The following RMST variants were observed in gnomAD, a reference collection of about 807,000 sequenced individuals.
The protein encoded by RMST is rhabdomyosarcoma 2 associated transcript.
intron 5 of RMST, among the ~76,000 whole-genome samples, chr12:97,489,805 G>A (rs771882204): frequency 7.9e-5 from 12 of 152,118 alleles, no homozygotes; most frequent in Non-Finnish European, 1.8e-4. Flanking sequence ...TATGTGTCAT[G>A]CACTGGGGTA....
intron 9 of RMST, chr12:97,494,938 T>C (rs1877227555): frequency 6.6e-6 from 1 of 152,164 alleles, no homozygotes; most frequent in African/African-American, 2.4e-5. Context: ...CTTATGACTA[T>C]CCTAGCCCCA....
intron 5 of RMST, among the ~76,000 whole-genome samples, chr12:97,474,687 A>G (rs1247635028): frequency 6.6e-6 from 1 of 151,174 alleles, no homozygotes; most frequent in Non-Finnish European, 1.5e-5. Context: ...GAAATATAGT[A>G]TATGGTTAAA....
At chr12:97,543,448 A>ATACTT (rs1882707202) in intron 11 of RMST, among the ~76,000 whole-genome samples, 1 of 151,998 alleles carries the variant, frequency 6.6e-6, no homozygotes, top group Admixed American at 6.6e-5. Context: ...GCCCTGTTTA[A>ATACTT]TACTTTAGTG....
At chr12:97,544,496 CG>C (rs1304392073) in intron 11 of RMST, among the ~76,000 whole-genome samples, 2 of 151,842 alleles carry the variant, frequency 1.3e-5, no homozygotes, top group Non-Finnish European at 2.9e-5. Flanking sequence ...GTGGACAGTA[CG>C]TTCAATGTAA....
At chr12:97,553,719 C>T (rs867710944) in intron 11 of RMST, among the ~76,000 whole-genome samples, 47 of 152,194 alleles carry the variant, frequency 3.1e-4, no homozygotes, top group African/African-American at 1.1e-3. Context: ...AATGTAGACT[C>T]AAATCAAATA....
chr12:97,468,027 A>G (rs1873402474), intron 5 of RMST, among the ~76,000 whole-genome samples: 1 of 152,086 alleles, frequency 6.6e-6, no homozygotes. Flanking sequence ...TTTATTATAA[A>G]GAATGCACTG....
intron 11 of RMST, among the ~76,000 whole-genome samples, chr12:97,531,339 CT>C (rs1881604990): frequency 6.6e-6 from 1 of 152,072 alleles, no homozygotes; most frequent in Non-Finnish European, 1.5e-5. Flanking sequence ...AAGGTCTTGA[CT>C]TAAGTCGCAC....
At chr12:97,472,862 TTCAA>T (rs1267387726) in intron 5 of RMST, among the ~76,000 whole-genome samples, 4 of 152,142 alleles carry the variant, frequency 2.6e-5, no homozygotes, top group African/African-American at 7.2e-5. Flanking sequence ...CGGAAAGATT[TTCAA>T]TCATTCATTC....
At chr12:97,519,999 T>C (rs1446739694) in intron 10 of RMST, among the ~76,000 whole-genome samples, 1 of 152,206 alleles carries the variant, frequency 6.6e-6, no homozygotes, top group African/African-American at 2.4e-5. Context: ...AAATACTGTT[T>C]TAAGGAACAG....
chr12:97,549,573 G>A (rs1883174688), intron 11 of RMST, among the ~76,000 whole-genome samples: 1 of 152,220 alleles, frequency 6.6e-6, no homozygotes, highest in Admixed American at 6.5e-5. Flanking sequence ...TAGACCCAAT[G>A]TGGTAAGTTT....
chr12:97,489,060 T>A (rs886617358), intron 5 of RMST, among the ~76,000 whole-genome samples: 2 of 152,226 alleles, frequency 1.3e-5, no homozygotes, highest in African/African-American at 4.8e-5. Flanking sequence ...TCAATTTGAC[T>A]TAAGTAACTC....
rs576891147 is a variant in RMST, at chr12:97,516,582, A to G, written n.1341-14073A>G. ...ATTTCTTACAATTAGGAGTGAAGGTAGATTACAACAAATTGCTGAAAAATT... is the reference window on the plus strand; with the variant it reads ...ATTTCTTACAATTAGGAGTGAAGGTGGATTACAACAAATTGCTGAAAAATT... On this transcript the variant is annotated intron_variant and non_coding_transcript_variant, in intron 10 of 13. Transcript: ENST00000640149. Among the ~76,000 whole-genome samples, 32 of 152,144 alleles carry G rather than the reference A, an allele frequency of 2.1e-4. No homozygotes were observed. The East Asian group carries it at 6.2e-3, about 29-fold the overall frequency.
intron 13 of RMST, chr12:97,563,574 T>C (rs1884299010): frequency 1.2e-5 from 4 of 328,624 alleles, no homozygotes; most frequent in South Asian, 1.0e-4. Context: ...GTGTCCTTTG[T>C]TTTTGGTGAA....
At chr12:97,561,092 C>T (rs756236706) in intron 13 of RMST, 2 of 152,228 alleles carry the variant, frequency 1.3e-5, no homozygotes, top group African/African-American at 2.4e-5. Flanking sequence ...AGCGTATAAT[C>T]ATTTTCTCTT....
At chr12:97,535,934 T>C (rs1015192275) in intron 11 of RMST, among the ~76,000 whole-genome samples, 11 of 151,642 alleles carry the variant, frequency 7.3e-5, no homozygotes, top group African/African-American at 2.7e-4. Context: ...GTTTAGTTCA[T>C]TGAAAACCAA....
chr12:97,506,925 G>A (rs917362831), intron 10 of RMST, among the ~76,000 whole-genome samples: 2 of 151,826 alleles, frequency 1.3e-5, no homozygotes, highest in Non-Finnish European at 2.9e-5. Context: ...CTCATGATCC[G>A]CCTACCTCAG....
chr12:97,482,197 C>T (rs578110289), intron 5 of RMST, among the ~76,000 whole-genome samples: 8 of 152,236 alleles, frequency 5.3e-5, no homozygotes, highest in East Asian at 3.9e-4. Flanking sequence ...TTTTTATTAA[C>T]GTCTTGGGGA....
chr12:97,518,604 T>C (rs1286453816), intron 10 of RMST, among the ~76,000 whole-genome samples: 1 of 152,152 alleles, frequency 6.6e-6, no homozygotes, highest in African/African-American at 2.4e-5. Flanking sequence ...ATAAGAATGT[T>C]AGGCGATTCT....
At chr12:97,490,740 A>G (rs1287319958) in intron 5 of RMST, among the ~76,000 whole-genome samples, 1 of 152,232 alleles carries the variant, frequency 6.6e-6, no homozygotes, top group Non-Finnish European at 1.5e-5. Flanking sequence ...CAAGGCAATT[A>G]GAGCAACTAG....
Sources: allele counts gnomAD v4.1 joint callset (sites outside exome capture counted in the v4.1 genomes callset), GRCh38; gene constraint gnomAD v4.1.1; transcripts MANE v1.5; gene names NCBI Gene and HGNC (gene_info 2026-07-23, HGNC 2026-07-21).